Variants in PCDHA4 observed in about 807,000 individuals in gnomAD.
The protein encoded by PCDHA4 is protocadherin alpha-4.
A neutral mutation model predicts 61.4 loss-of-function variants in PCDHA4; 49 were observed. The ratio of observed to expected loss-of-function variants is 0.80; its 90% CI spans 0.63 to 1.01. The LOEUF (loss-of-function observed/expected upper bound fraction) is 1.01. Ranked by LOEUF, PCDHA4 falls within the 50% of genes least tolerant of loss-of-function variation. The probability of loss-of-function intolerance (pLI) is 0.00; values close to 1 mark genes in which losing one functional copy is unlikely to be tolerated. For synonymous variants in PCDHA4, 590 were observed against 550.3 expected (o/e 1.07, Z -1.01); for missense variants, 1,254 against 1,235.8 (o/e 1.01, Z -0.22).
chr5:140,871,665 C>G, intron 1 of PCDHA4: 1 of 1,187,684 alleles, frequency 8.4e-7, no homozygotes, highest in African/African-American at 1.5e-5. Flanking sequence ...CATCTTCAGT[C>G]TTTTAATCAT....
intron 1 of PCDHA4, among the ~76,000 whole-genome samples, chr5:140,897,064 CTT>C (rs1313385579): frequency 3.3e-5 from 5 of 152,042 alleles, no homozygotes; most frequent in Non-Finnish European, 4.4e-5. Flanking sequence ...AATACTATGT[CTT>C]ATTCATTTTT....
At chr5:140,896,608 C>A (rs1356168334) in intron 1 of PCDHA4, among the ~76,000 whole-genome samples, 2 of 151,832 alleles carry the variant, frequency 1.3e-5, no homozygotes, top group Non-Finnish European at 2.9e-5. Context: ...AACTCCTGGT[C>A]TTAAGTGATC....
intron 1 of PCDHA4, chr5:140,834,773 T>G (rs1773277984): frequency 1.9e-6 from 3 of 1,613,730 alleles, no homozygotes; most frequent in African/African-American, 1.3e-5. Flanking sequence ...ACGACAACCC[T>G]CCGGTGTTCC....
chr5:140,949,537 C>A (rs1359504503), intron 1 of PCDHA4, among the ~76,000 whole-genome samples: 1 of 151,692 alleles, frequency 6.6e-6, no homozygotes, highest in African/African-American at 2.4e-5. Flanking sequence ...CATAAAATAT[C>A]GATTTGTTGC....
At chr5:140,999,215 C>T (rs1290752092) in intron 3 of PCDHA4, among the ~76,000 whole-genome samples, 1 of 152,140 alleles carries the variant, frequency 6.6e-6, no homozygotes, top group South Asian at 2.1e-4. Context: ...TCTGGAAGTA[C>T]TACATTTGAG....
intron 1 of PCDHA4, chr5:140,828,847 C>G (rs1177890960): frequency 6.2e-7 from 1 of 1,614,050 alleles, no homozygotes; most frequent in African/African-American, 1.3e-5. Flanking sequence ...TAAGAATATT[C>G]GAAAATGCAG....
chr5:140,952,334 A>G (rs1585456390), intron 1 of PCDHA4, among the ~76,000 whole-genome samples: 1 of 103,312 alleles, frequency 9.7e-6, no homozygotes, highest in East Asian at 2.9e-4. Context: ...GTGAAACTCC[A>G]TCTCAAAAAA....
At chr5:140,854,216 A>G in intron 1 of PCDHA4, 1 of 633,308 alleles carries the variant, frequency 1.6e-6, no homozygotes, top group Non-Finnish European at 2.0e-6. Flanking sequence ...TCAATATTGG[A>G]CATCTACATT....
intron 1 of PCDHA4, chr5:140,857,702 G>C: frequency 6.3e-7 from 1 of 1,597,414 alleles, no homozygotes; most frequent in Non-Finnish European, 8.6e-7. Context: ...GACGCTGCAG[G>C]TGTTCGTGCT....
intron 1 of PCDHA4, chr5:140,823,321 G>T: frequency 6.2e-7 from 1 of 1,612,290 alleles, no homozygotes. Flanking sequence ...GAGCGGCAAG[G>T]TGTACGCGCT....
rs1455785562 is a variant in PCDHA4, at chr5:140,815,214, A to C, written c.2385+5642A>C. 4 of 152,044 alleles carry C rather than the reference A, an allele frequency of 2.6e-5. No individual in the cohort carries two copies. In the East Asian group the frequency reaches 7.7e-4, roughly 29 times the overall value. The allele number at this position is 152,044 out of a possible 1,614,324, so 9.4% of individuals were successfully genotyped here. A position where few individuals can be genotyped will look rare whatever the true frequency, so the allele number is the denominator to read the frequency against. On this transcript the variant is annotated intron_variant, in intron 1 of 3. Coordinates refer to ENST00000530339, the MANE Select transcript of PCDHA4 (RefSeq NM_018907.4). ...AGTAATTATTGATAGGGCATAACTT[A>C]CTGTTGCCTCTTTGTTAATTGTTGT...
chr5:140,970,751 T>G (rs2096430046), intron 1 of PCDHA4, among the ~76,000 whole-genome samples: 1 of 152,232 alleles, frequency 6.6e-6, no homozygotes, highest in African/African-American at 2.4e-5. Flanking sequence ...GCAATATATT[T>G]TCATTGACAT....
intron 1 of PCDHA4, among the ~76,000 whole-genome samples, chr5:140,942,239 T>C (rs1554214876): frequency 6.6e-6 from 1 of 152,156 alleles, no homozygotes; most frequent in African/African-American, 2.4e-5. Context: ...AAATAAGATA[T>C]CCATATCATT....
intron 1 of PCDHA4, among the ~76,000 whole-genome samples, chr5:140,912,823 G>C (rs2076078264): frequency 6.6e-6 from 1 of 152,090 alleles, no homozygotes; most frequent in Non-Finnish European, 1.5e-5. Context: ...AAGGGATTTT[G>C]AATTTTATTA....
chr5:140,967,986 C>A, intron 1 of PCDHA4: 1 of 1,614,226 alleles, frequency 6.2e-7, no homozygotes, highest in Non-Finnish European at 8.5e-7. Flanking sequence ...CTGGAGGCCA[C>A]ACTGCCTTTC....
intron 1 of PCDHA4, chr5:140,843,545 T>C: frequency 2.5e-6 from 4 of 1,595,904 alleles, no homozygotes; most frequent in Non-Finnish European, 3.4e-6. Context: ...TCTGGTGTGC[T>C]CCAGTGCGGT....
chr5:140,916,268 T>C (rs1190209711), intron 1 of PCDHA4, among the ~76,000 whole-genome samples: 3 of 152,206 alleles, frequency 2.0e-5, no homozygotes, highest in Non-Finnish European at 4.4e-5. Flanking sequence ...AAGAGCATGC[T>C]TGTTGCTCTA....
intron 1 of PCDHA4, among the ~76,000 whole-genome samples, chr5:140,889,720 T>G (rs1259294888): frequency 2.6e-5 from 4 of 152,240 alleles, no homozygotes; most frequent in African/African-American, 9.6e-5. Context: ...TCTTTGCTAC[T>G]GTCTCACTGA....
At chr5:140,850,321 A>G (rs2150479492) in intron 1 of PCDHA4, 1 of 1,597,400 alleles carries the variant, frequency 6.3e-7, no homozygotes, top group Admixed American at 1.7e-5. Context: ...TGGCTTTCAT[A>G]CGAGCTGCAG....
Sources: allele counts gnomAD v4.1 joint callset (sites outside exome capture counted in the v4.1 genomes callset), GRCh38; gene constraint gnomAD v4.1.1; transcripts MANE v1.5; gene names NCBI Gene and HGNC (gene_info 2026-07-23, HGNC 2026-07-21).